The following CELF3 variants were observed in gnomAD, a reference collection of about 807,000 sequenced individuals.
The protein encoded by CELF3 is CUGBP Elav-like family member 3.
In CELF3, 26 loss-of-function variants were observed where a neutral mutation model predicts 59.6. That is an observed-to-expected ratio of 0.44 (90% CI 0.32 to 0.61). CELF3 has a LOEUF of 0.61. Among genes scored for constraint, CELF3 ranks in the 20% least tolerant of loss-of-function variants. The pLI is 0.06. For synonymous variants in CELF3, 245 were observed against 250.7 expected (o/e 0.98, Z 0.22); for missense variants, 387 against 627.2 (o/e 0.62, Z 4.09).
At position 151,702,641 on chromosome 1, in the gene CELF3, C is replaced by T. The variant is rs1056374498; in HGVS notation, c.*818G>A. 5 of 152,948 alleles carry T rather than the reference C, an allele frequency of 3.3e-5. No individual in the cohort carries two copies. Among genetic ancestry groups the T allele is most frequent in the Non-Finnish European group, 5.8e-5 (4 of 68,574 alleles). The allele number at this position is 152,948 out of a possible 1,614,324, so 9.5% of individuals were successfully genotyped here. On this transcript the variant is annotated 3_prime_UTR_variant, in exon 13 of 13. Coordinates refer to ENST00000290583, the MANE Select transcript of CELF3 (RefSeq NM_007185.7). ...CTCCTCCCAATACCCAATTACCCCC[C>T]AAAGCAAAGGGAGAAATTAAGAGAG...
chr1:151,713,764 T>A (rs7537265), intron 2 of CELF3, among the ~76,000 whole-genome samples: 5 of 152,074 alleles, frequency 3.3e-5, no homozygotes, highest in East Asian at 1.9e-4. Context: ...GGATAAGATC[T>A]TTGGTGGGCG....
chr1:151,700,130 C>G lies in CELF3; in HGVS notation c.*3329G>C, dbSNP rs1181963633. Among the ~76,000 whole-genome samples, 1 of 152,082 alleles carries G rather than the reference C, an allele frequency of 6.6e-6. No individual in the cohort carries two copies. Among genetic ancestry groups the G allele is most frequent in the African/African-American group, 2.4e-5 (1 of 41,392 alleles). Reference sequence around the variant, plus strand: ...TGGGGTGGGGAGATTGTTTGAGATACTGCAACAGACACAAAAGCAAAGAAA... The same window carrying G: ...TGGGGTGGGGAGATTGTTTGAGATAGTGCAACAGACACAAAAGCAAAGAAA... On this transcript the variant is annotated 3_prime_UTR_variant, in exon 13 of 13. Coordinates refer to ENST00000290583, the MANE Select transcript of CELF3 (RefSeq NM_007185.7).
chr1:151,706,270 C>T lies in CELF3; in HGVS notation c.1080G>A (p.Gln360=). ...GTTGCTGCTGCTGCTGCTGCTGCTG[C>T]TGTTGAGGTGGTGGTGGGGGCTGCT... ...VAQQPPPPPQ[Q]QQQQQQQQQQ... is the part of the protein sequence containing the mutation. Residue 360 remains glutamine (Q), a synonymous_variant, in exon 10 of 13, where the codon CAG becomes CAA. Transcript: ENST00000290583. 1 of 1,582,782 alleles carries T rather than the reference C, an allele frequency of 6.3e-7. No homozygotes were observed.
chr1:151,710,152 T>G, intron 2 of CELF3: 1 of 281,864 alleles, frequency 3.5e-6, no homozygotes, highest in Non-Finnish European at 6.9e-6. Flanking sequence ...TTGCCTCAAT[T>G]CTACAAAGTG....
Position 151,703,102 on chromosome 1 carries a change from A to G in CELF3, c.*357T>C, listed in dbSNP as rs1390959582. The stretch of plus-strand genomic sequence containing the variant: ...GCTCTCCTGGGGCCTGCACGGGTAG[A>G]ACAGGCCCACTGTTGGGGGAGGCAA... On this transcript the variant is annotated 3_prime_UTR_variant, in exon 13 of 13. Coordinates refer to ENST00000290583, the MANE Select transcript of CELF3 (RefSeq NM_007185.7). The G allele has an allele frequency of 4.4e-6, 2 of 455,848 alleles. No individual in the cohort carries two copies. Among genetic ancestry groups the G allele is most frequent in the Non-Finnish European group, 8.8e-6 (2 of 226,676 alleles). 28.2% of individuals were successfully genotyped at this position (455,848 alleles called of 1,614,324 possible).
chr1:151,713,311 T>G (rs1673185178), intron 2 of CELF3, among the ~76,000 whole-genome samples: 1 of 152,164 alleles, frequency 6.6e-6, no homozygotes, highest in South Asian at 2.1e-4. Context: ...CTGCCTGAGC[T>G]GCCAGGCAGC....
Position 151,709,516 on chromosome 1 carries a change from C to T in CELF3, c.278-168G>A, listed in dbSNP as rs1672841953. 3 of 1,050,466 alleles carry T rather than the reference C, an allele frequency of 2.9e-6. No homozygotes were observed. The highest frequency in any genetic ancestry group is 2.9e-5 in the South Asian group (2 of 68,526). The allele number at this position is 1,050,466 out of a possible 1,614,324, so 65.1% of individuals were successfully genotyped here. ...ATGGGGTATAGTTGCAGAGGGTGCT[C>T]ATCCCAGCTCTGAGGGACTCGCACT... On this transcript the variant is annotated intron_variant, in intron 3 of 12. Transcript: ENST00000290583. This position sits in a 1 kb window ranked among gnomAD's most constrained non-coding sequence, Gnocchi z 4.9.
intron 2 of CELF3, chr1:151,710,080 G>A (rs1672886725): frequency 4.5e-6 from 2 of 448,938 alleles, no homozygotes; most frequent in African/African-American, 2.0e-5. Flanking sequence ...TGGGAGAAGG[G>A]GGCCTGCACA....
chr1:151,709,591 G>C lies in CELF3; in HGVS notation c.277+152C>G, dbSNP rs1418831511. 7.3e-6 allele frequency: 7 copies of C among 963,672 alleles called. No individual in the cohort carries two copies. Among genetic ancestry groups the C allele is most frequent in the Non-Finnish European group, 1.1e-5 (7 of 614,626 alleles). 59.7% of individuals were successfully genotyped at this position (963,672 alleles called of 1,614,324 possible). A position where few individuals can be genotyped will look rare whatever the true frequency, so the allele number is the denominator to read the frequency against. ...TCTGTACCCGCCCCAGATCTCACCC[G>C]CTCTGGCCACACTGACTCCTATCTC... is the stretch of plus-strand genomic sequence containing the variant. On this transcript the variant is annotated intron_variant, in intron 3 of 12. Coordinates refer to ENST00000290583, the MANE Select transcript of CELF3 (RefSeq NM_007185.7). This position sits in a 1 kb window ranked among gnomAD's most constrained non-coding sequence, Gnocchi z 4.9.
At chr1:151,708,026 T>C (rs1672720977) in intron 5 of CELF3, 91 bp from the exon 6 acceptor site, 1 of 1,432,302 alleles carries the variant, frequency 7.0e-7, no homozygotes, top group East Asian at 2.4e-5. Flanking sequence ...TCCACCCCCA[T>C]GGCATGGCTT....
rs930570909 is a variant in CELF3, at chr1:151,709,831, C to T, written c.229-40G>A. 1 of 1,605,528 alleles carries T rather than the reference C, an allele frequency of 6.2e-7. No individual in the cohort carries two copies. Among genetic ancestry groups the T allele is most frequent in the Non-Finnish European group, 8.5e-7 (1 of 1,172,118 alleles). On this transcript the variant is annotated intron_variant, in intron 2 of 12. Transcript: ENST00000290583. The surrounding 1 kb of genome is among the most constrained non-coding windows in gnomAD (Gnocchi z 4.9). ...AGAAGGCAGCTGCTGGGGACCTCCT[C>T]TGAACACCCAAGAGCCCTCCCAGGC...
chr1:151,715,324 C>T (rs1344854076), intron 1 of CELF3, among the ~76,000 whole-genome samples: 1 of 152,070 alleles, frequency 6.6e-6, no homozygotes, highest in Non-Finnish European at 1.5e-5. Context: ...ACTCTCTTAA[C>T]TTTCTAAGCC....
chr1:151,707,266 G>A lies in CELF3; in HGVS notation c.801C>T (p.Ala267=), dbSNP rs769064146. 44 of 1,568,276 alleles carry A rather than the reference G, an allele frequency of 2.8e-5. No individual in the cohort carries two copies. Among genetic ancestry groups the A allele is most frequent in the Non-Finnish European group, 3.5e-5 (41 of 1,158,336 alleles). ...CAGCCGGAATGGCAGAGACAGGCGT[G>A]GCAGCGATGGCAGGAGGGGTGCTGG... ...SGTSTPPAIA[A]TPVSAIPAAL... The change falls in exon 8 of 13, where the codon GCC becomes GCT. Residue 267 remains alanine, a synonymous_variant. Transcript: ENST00000290583.
rs565140268 is a variant in CELF3 at position 151,709,677 on chromosome 1, G to A, written c.277+66C>T. 1.6e-5 allele frequency: 24 copies of A among 1,501,706 alleles called. No homozygotes were observed. The highest frequency in any genetic ancestry group is 3.4e-4 in the Middle Eastern group (2 of 5,848). The allele number at this position is 1,501,706 out of a possible 1,614,324, so 93.0% of individuals were successfully genotyped here. On this transcript the variant is annotated intron_variant, in intron 3 of 12. Transcript: ENST00000290583. This position sits in a 1 kb window ranked among gnomAD's most constrained non-coding sequence, Gnocchi z 4.9. ...TCTCCCTCAAGAAAGGCTACCCCTC[G>A]ACAACTCCAGGCCCTGGGCCTGGGG...
chr1:151,714,888 G>A (rs549088404), intron 1 of CELF3, among the ~76,000 whole-genome samples: 2 of 152,246 alleles, frequency 1.3e-5, no homozygotes. Context: ...GGTGATGGGA[G>A]AGGGAGGACA....
rs1226975696 is a variant in CELF3 at position 151,709,397 on chromosome 1, C to T, written c.278-49G>A. 1 of 1,610,802 alleles carries T rather than the reference C, an allele frequency of 6.2e-7. No homozygotes were observed. The highest frequency in any genetic ancestry group is 8.5e-7 in the Non-Finnish European group (1 of 1,177,968). On this transcript the variant is annotated intron_variant, in intron 3 of 12. Coordinates refer to ENST00000290583, the MANE Select transcript of CELF3 (RefSeq NM_007185.7). The surrounding 1 kb of genome is among the most constrained non-coding windows in gnomAD (Gnocchi z 4.9). ...GGGCATGTTCAGGGCCTCCTGGCTG[C>T]CTTCCCAGCCCTTCTTCCGCCCTTC...
chr1:151,705,834 T>C lies in CELF3; in HGVS notation c.1258A>G (p.Ser420Gly). Reference sequence around the variant, plus strand: ...ATCATATTCTTACCAAAACATTTGCTTTGATTGGTGGCTCGGTCAACAAAG... The same window carrying C: ...ATCATATTCTTACCAAAACATTTGCCTTGATTGGTGGCTCGGTCAACAAAG... ...KVFVDRATNQ[S>G]KCFGFVSFDN... The change falls in exon 11 of 13, where the codon AGC becomes GGC. Residue 420 changes from serine (S) to glycine (G), a missense_variant. Physicochemically the swap from Ser to Gly is moderately conservative, Grantham distance 56 (BLOSUM62 0). Around this residue, in one of 3 missense-constraint regions of CELF3, gnomAD observed 48 missense variants for 118.8 expected, o/e 0.40. Coordinates refer to ENST00000290583, the MANE Select transcript of CELF3 (RefSeq NM_007185.7). This position sits in a 1 kb window ranked among gnomAD's most constrained non-coding sequence, Gnocchi z 5.1. The C allele has an allele frequency of 6.2e-7, 1 of 1,614,184 alleles. No homozygotes were observed. Among genetic ancestry groups the C allele is most frequent in the Non-Finnish European group, 8.5e-7 (1 of 1,180,032 alleles).
chr1:151,707,456 C>T (rs1377046111), intron 7 of CELF3, 51 bp downstream of exon 7: 3 of 1,602,194 alleles, frequency 1.9e-6, no homozygotes, highest in Non-Finnish European at 2.6e-6. Context: ...CTGTGCCCCT[C>T]CCTACCCCTA....
At position 151,702,923 on chromosome 1, in the gene CELF3, A is replaced by G. The variant is rs1571901682; in HGVS notation, c.*536T>C. The G allele has an allele frequency of 1.0e-5, 3 of 294,648 alleles. No homozygotes were observed. The highest frequency in any genetic ancestry group is 3.1e-5 in the South Asian group (1 of 31,914). 18.3% of individuals were successfully genotyped at this position (294,648 alleles called of 1,614,324 possible). Reference sequence around the variant, plus strand: ...CCTCCTTAGAGGGGGCCCTTGGGGGAGGCAGTGAGTTTTAGGGCTGGGAGC... The same window carrying G: ...CCTCCTTAGAGGGGGCCCTTGGGGGGGGCAGTGAGTTTTAGGGCTGGGAGC... On this transcript the variant is annotated 3_prime_UTR_variant, in exon 13 of 13. Transcript: ENST00000290583.
Sources: allele counts gnomAD v4.1 joint callset (sites outside exome capture counted in the v4.1 genomes callset), GRCh38; gene constraint gnomAD v4.1.1; regional missense constraint gnomAD v4.1.1; non-coding constraint Gnocchi (gnomAD v3.1); transcripts MANE v1.5; gene names NCBI Gene and HGNC (gene_info 2026-07-23, HGNC 2026-07-21).